The following CERKL variants were observed in gnomAD, a reference collection of about 807,000 sequenced individuals.
CERKL encodes CERK like autophagy regulator.
Under a neutral mutation model 63.4 loss-of-function variants are expected in CERKL, and 61 were observed. That is an observed-to-expected ratio of 0.96 (90% confidence interval 0.78 to 1.19). The LOEUF (loss-of-function observed/expected upper bound fraction) is 1.19. CERKL is among the 50% of genes most tolerant of loss of function. CERKL has a pLI of 0.00. For missense variants in CERKL, 675 were observed against 655.5 expected (o/e 1.03, Z -0.33); for synonymous variants, 250 against 230.5 (o/e 1.08, Z -0.77).
At chr2:181,576,870 G>A (rs1684252803) in intron 2 of CERKL, among the ~76,000 whole-genome samples, 1 of 152,220 alleles carries the variant, frequency 6.6e-6, no homozygotes, top group Admixed American at 6.5e-5. Flanking sequence ...GCTGGTAAGG[G>A]GAAAGTAAGG....
chr2:181,620,360 T>C (rs1574505879), intron 1 of CERKL, among the ~76,000 whole-genome samples: 2 of 152,186 alleles, frequency 1.3e-5, no homozygotes, highest in African/African-American at 4.8e-5. Flanking sequence ...ATCCCATTAC[T>C]TCCCAGCAGT....
At chr2:181,627,216 C>T (rs1205629534) in intron 1 of CERKL, among the ~76,000 whole-genome samples, 2 of 152,146 alleles carry the variant, frequency 1.3e-5, no homozygotes, top group South Asian at 2.1e-4. Flanking sequence ...CTAACCGTCA[C>T]GTGGACCTTC....
At chr2:181,547,272 A>G (rs1179718329) in intron 10 of CERKL, among the ~76,000 whole-genome samples, 1 of 152,218 alleles carries the variant, frequency 6.6e-6, no homozygotes, top group Non-Finnish European at 1.5e-5. Context: ...TTATGTTTGC[A>G]TTAAAGTTGG....
intron 2 of CERKL, among the ~76,000 whole-genome samples, chr2:181,603,488 T>C (rs984801193): frequency 6.6e-6 from 1 of 152,162 alleles, no homozygotes; most frequent in Admixed American, 6.5e-5. Flanking sequence ...TTATGAATAT[T>C]GATGCAAACA....
Position 181,536,762 on chromosome 2 carries a change from AAATAC to A in CERKL, c.*1417_*1421del, listed in dbSNP as rs1291188112. Reference sequence around the variant, plus strand: ...TTTCTGGATTTTAAAAAATTTCTTTAAATACAATCATTTTTGTAATATTTATTTTA... The same window carrying A: ...TTTCTGGATTTTAAAAAATTTCTTTAAATCATTTTTGTAATATTTATTTTA... On this transcript the variant is annotated 3_prime_UTR_variant, in exon 13 of 13. Transcript: ENST00000410087. The A allele has an allele frequency of 8.1e-6, 2 of 247,302 alleles. No homozygotes were observed. Among genetic ancestry groups the A allele is most frequent in the East Asian group, 1.0e-4 (1 of 9,624 alleles). 15.3% of individuals were successfully genotyped at this position (247,302 alleles called of 1,614,324 possible).
intron 3 of CERKL, among the ~76,000 whole-genome samples, chr2:181,569,189 C>A (rs1688796724): frequency 6.6e-6 from 1 of 152,148 alleles, no homozygotes; most frequent in Admixed American, 6.6e-5. Context: ...ATGCTGGGAA[C>A]AGGACTGGCC....
At chr2:181,601,304 A>G (rs1685448886) in intron 2 of CERKL, among the ~76,000 whole-genome samples, 2 of 152,216 alleles carry the variant, frequency 1.3e-5, no homozygotes, top group African/African-American at 2.4e-5. Flanking sequence ...TAACACCTGT[A>G]ATCCCAGCAC....
chr2:181,637,327 G>A (rs1280611420), intron 1 of CERKL, among the ~76,000 whole-genome samples: 1 of 152,044 alleles, frequency 6.6e-6, no homozygotes, highest in African/African-American at 2.4e-5. Flanking sequence ...AAAACGGAAA[G>A]TAAAGTTTTT....
intron 1 of CERKL, among the ~76,000 whole-genome samples, chr2:181,618,350 T>C (rs1402935496): frequency 2.0e-5 from 3 of 151,796 alleles, no homozygotes; most frequent in Non-Finnish European, 4.4e-5. Context: ...TTTTGGAAAA[T>C]AGTTATTTTT....
intron 1 of CERKL, among the ~76,000 whole-genome samples, chr2:181,615,710 T>G (rs574968632): frequency 2.4e-4 from 37 of 152,348 alleles, no homozygotes; most frequent in African/African-American, 8.4e-4. Flanking sequence ...GATAAATCTG[T>G]GAAGCAAGGG....
At chr2:181,591,201 A>G (rs1684977044) in intron 2 of CERKL, among the ~76,000 whole-genome samples, 1 of 152,156 alleles carries the variant, frequency 6.6e-6, no homozygotes, top group African/African-American at 2.4e-5. Flanking sequence ...AATTTAAAAA[A>G]CATACATATA....
intron 11 of CERKL, among the ~76,000 whole-genome samples, chr2:181,540,863 A>G (rs1443365372): frequency 1.3e-5 from 2 of 152,196 alleles, no homozygotes; most frequent in African/African-American, 4.8e-5. Flanking sequence ...CAGAGGAAAC[A>G]AGAGGAGGCA....
intron 5 of CERKL, among the ~76,000 whole-genome samples, chr2:181,554,851 A>C (rs1688138833): frequency 6.6e-6 from 1 of 152,050 alleles, no homozygotes; most frequent in Non-Finnish European, 1.5e-5. Context: ...TCTCTATCAA[A>C]AGCCCTGACT....
At chr2:181,586,372 G>A (rs1213532157) in intron 2 of CERKL, among the ~76,000 whole-genome samples, 1 of 151,878 alleles carries the variant, frequency 6.6e-6, no homozygotes, top group Non-Finnish European at 1.5e-5. Context: ...ACCTTGCTCT[G>A]CTCTCATCCA....
intron 1 of CERKL, among the ~76,000 whole-genome samples, chr2:181,607,447 G>A (rs1219618852): frequency 3.3e-5 from 5 of 152,132 alleles, no homozygotes; most frequent in African/African-American, 1.2e-4. Context: ...ACGAACTATA[G>A]ATGTTTTTGA....
At chr2:181,601,368 T>C (rs947968121) in intron 2 of CERKL, among the ~76,000 whole-genome samples, 2 of 152,192 alleles carry the variant, frequency 1.3e-5, no homozygotes, top group African/African-American at 2.4e-5. Flanking sequence ...AAGACCAGCC[T>C]GGCCAACATG....
At chr2:181,575,432 A>G (rs1689091326) in intron 2 of CERKL, among the ~76,000 whole-genome samples, 1 of 152,212 alleles carries the variant, frequency 6.6e-6, no homozygotes, top group Non-Finnish European at 1.5e-5. Context: ...GCTTTAAAGG[A>G]GGAAGATGTA....
rs368386427 is a variant in CERKL at position 181,566,103 on chromosome 2, T to A, written c.632A>T (p.His211Leu). 3.1e-6 allele frequency: 5 copies of A among 1,611,270 alleles called. 1 individual carries two copies. The highest frequency in any genetic ancestry group is 4.2e-6 in the Non-Finnish European group (5 of 1,177,750). The change falls in exon 4 of 13, where the codon CAC becomes CTC. Residue 211 changes from histidine to leucine, a missense_variant. Physicochemically the swap from His to Leu is moderately conservative, Grantham distance 99. Coordinates refer to ENST00000410087, the MANE Select transcript of CERKL (RefSeq NM_201548.5). ...ACATTCCTTAAGCAGTGACAGAGCGTGCCCTTCATATTCCATTACTATTAA... is the reference window on the plus strand; with the variant it reads ...ACATTCCTTAAGCAGTGACAGAGCGAGCCCTTCATATTCCATTACTATTAA... ...TDVTIMEYEG[H>L]ALSLLKECEL...
At chr2:181,616,849 AT>A (rs1686218816) in intron 1 of CERKL, among the ~76,000 whole-genome samples, 1 of 152,232 alleles carries the variant, frequency 6.6e-6, no homozygotes, top group Non-Finnish European at 1.5e-5. Context: ...ATAAACAAAT[AT>A]TCAGGAGAAA....
Sources: gnomAD v4.1 joint callset for allele counts (sites outside exome capture counted in the v4.1 genomes callset) on GRCh38, gnomAD v4.1.1 for gene constraint, MANE v1.5 for transcripts, NCBI Gene and HGNC (gene_info 2026-07-23, HGNC 2026-07-21) for gene names.